GRIP2: variants seen among roughly 807,000 people sequenced by gnomAD.
GRIP2 encodes the protein glutamate receptor interacting protein 2, also known as glutamate receptor-interacting protein 2.
Under a neutral mutation model 108.3 loss-of-function variants are expected in GRIP2, and 58 were observed. The ratio of observed to expected loss-of-function variants is 0.54; its 90% CI spans 0.43 to 0.67. GRIP2 has a LOEUF of 0.67. Among genes scored for constraint, GRIP2 ranks in the 30% least tolerant of loss-of-function variants. The pLI, the probability that GRIP2 is intolerant of heterozygous loss-of-function variation, is 0.00. For missense variants in GRIP2, 1,278 were observed against 1,430.6 expected (o/e 0.89, Z 1.72); for synonymous variants, 586 against 598.2 (o/e 0.98, Z 0.30).
In GRIP2 at chr3:14,525,943, A is replaced by G; in HGVS notation, c.41-12T>C. ...GTAGGGCCCATCGTCTGCAGGAGAG[A>G]AAGAGGGAAAGGCCGAGTTCCACTT... is the stretch of plus-strand genomic sequence containing the variant. On this transcript the variant is annotated splice_polypyrimidine_tract_variant and intron_variant, in intron 1 of 23. Coordinates refer to ENST00000621039, the MANE Select transcript of GRIP2 (RefSeq NM_001080423.4). 6.4e-7 allele frequency: 1 copy of G among 1,552,440 alleles called. No individual in the cohort carries two copies. The highest frequency in any genetic ancestry group is 8.7e-7 in the Non-Finnish European group (1 of 1,147,106).
In GRIP2 at chr3:14,524,430, G is replaced by A. The variant is rs779610541; in HGVS notation, c.366C>T (p.Arg122=). The A allele has an allele frequency of 6.6e-5, 106 of 1,608,092 alleles. 4 individuals carry two copies. In the South Asian group the frequency reaches 8.5e-4, roughly 13 times the overall value. Residue 122 remains arginine (R), a synonymous_variant, in exon 4 of 24, where the codon CGC becomes CGT. Transcript: ENST00000621039. ...IITLLKNVGE[R]VVLEVEYELP... is the part of the protein sequence containing the mutation. ...GCTCATACTCCACCTCCAGCACCACGCGCTCGCCCACATTCTTGAGCAGGG... is the reference window on the plus strand; with the variant it reads ...GCTCATACTCCACCTCCAGCACCACACGCTCGCCCACATTCTTGAGCAGGG...
chr3:14,586,897 G>A, the GRIP2 span, among the ~76,000 whole-genome samples: 74,939 of 151,970 alleles, frequency 0.49, 18,698 homozygotes, highest in East Asian at 0.64. Context: ...TACTGATCCT[G>A]TAAAGCCAGG....
chr3:14,598,606 G>A, the GRIP2 span, among the ~76,000 whole-genome samples: 2 of 151,642 alleles, frequency 1.3e-5, no homozygotes, highest in Admixed American at 6.6e-5. Context: ...GGTCATTTTC[G>A]GAGCTAGCCC....
chr3:14,552,694 G>A (rs150000511), intron 1 of GRIP2, among the ~76,000 whole-genome samples: 1 of 149,924 alleles, frequency 6.7e-6, no homozygotes, highest in Admixed American at 6.7e-5. Context: ...CCAGGTTCAA[G>A]CGATTCTCTT....
rs373875364 is a variant in GRIP2, at chr3:14,522,207, G to A, written c.567-420C>T. On this transcript the variant is annotated intron_variant, in intron 6 of 23. Transcript: ENST00000621039. The surrounding 1 kb of genome is among the most constrained non-coding windows in gnomAD (Gnocchi z 4.3). ...ACGGCATTGGGGGCTGCTCTGAGCC[G>A]TCCTGGTCCCTTCCCATTGCTCCAC... The A allele has an allele frequency of 2.2e-4, 37 of 166,100 alleles. No homozygotes were observed. In the South Asian group the frequency reaches 3.2e-3, roughly 14 times the overall value. 10.3% of individuals were successfully genotyped at this position (166,100 alleles called of 1,614,324 possible). A position where few individuals can be genotyped will look rare whatever the true frequency, so the allele number is the denominator to read the frequency against.
At chr3:14,530,358 A>C (rs887790572) in intron 1 of GRIP2, among the ~76,000 whole-genome samples, 1 of 152,160 alleles carries the variant, frequency 6.6e-6, no homozygotes, top group Non-Finnish European at 1.5e-5. Context: ...CCAGTAGAGA[A>C]GCCCCAGCAT....
At chr3:14,515,202 T>G (rs1197840274) in intron 11 of GRIP2, among the ~76,000 whole-genome samples, 1 of 152,266 alleles carries the variant, frequency 6.6e-6, no homozygotes, top group East Asian at 1.9e-4. Context: ...AATATTCCAT[T>G]GTATGGATAC....
At chr3:14,591,783 C>T in the GRIP2 span, among the ~76,000 whole-genome samples, 1 of 152,170 alleles carries the variant, frequency 6.6e-6, no homozygotes, top group African/African-American at 2.4e-5. Flanking sequence ...TCTGGGAGTA[C>T]ACGCCATTCA....
intron 1 of GRIP2, among the ~76,000 whole-genome samples, chr3:14,550,594 G>A (rs968152983): frequency 2.0e-5 from 3 of 152,210 alleles, no homozygotes; most frequent in African/African-American, 4.8e-5. Flanking sequence ...GATGACCTTG[G>A]GCAAAACCGG....
At chr3:14,586,755 C>T in the GRIP2 span, among the ~76,000 whole-genome samples, 1 of 152,212 alleles carries the variant, frequency 6.6e-6, no homozygotes, top group Non-Finnish European at 1.5e-5. Flanking sequence ...CTTACTGCAG[C>T]CTTATTTAAA....
chr3:14,512,541 A>C lies in GRIP2; in HGVS notation c.1720+236T>G, dbSNP rs1694125281. Among the ~76,000 whole-genome samples, 1 of 152,116 alleles carries C rather than the reference A, an allele frequency of 6.6e-6. No homozygotes were observed. The highest frequency in any genetic ancestry group is 2.4e-5 in the African/African-American group (1 of 41,422). ...ACCTCACAAGCCCCCTGGGAGACCC[A>C]CGAGGCCAGGGGACTGCCATGGTGC... On this transcript the variant is annotated intron_variant, in intron 14 of 23. Transcript: ENST00000621039. This position sits in a 1 kb window ranked among gnomAD's most constrained non-coding sequence, Gnocchi z 5.1.
Position 14,507,480 on chromosome 3 carries a change from G to T in GRIP2, c.2218+81C>A. 6.6e-7 allele frequency: 1 copy of T among 1,518,364 alleles called. No individual in the cohort carries two copies. The highest frequency in any genetic ancestry group is 9.1e-7 in the Non-Finnish European group (1 of 1,100,732). 94.1% of individuals were successfully genotyped at this position (1,518,364 alleles called of 1,614,324 possible). A position where few individuals can be genotyped will look rare whatever the true frequency, so the allele number is the denominator to read the frequency against. On this transcript the variant is annotated intron_variant, in intron 18 of 23. Coordinates refer to ENST00000621039, the MANE Select transcript of GRIP2 (RefSeq NM_001080423.4). This position sits in a 1 kb window ranked among gnomAD's most constrained non-coding sequence, Gnocchi z 4.6. ...GGGCTGCAGTGAGGACTCTGTGAGG[G>T]TGTGCAGGCAAAGCCTGGCACAGAG...
rs1695183750 is a variant in GRIP2, at chr3:14,553,391, A to T, written c.55+2509T>A. ...CTCCCAAAGTGCTGGGATTACAGGC[A>T]TAAGCCACCGTGCCTGGCCACCTCC... On this transcript the variant is annotated intron_variant, in intron 1 of 23. Transcript: ENST00000637182. Among the ~76,000 whole-genome samples the T allele has an allele frequency of 2.0e-5, 3 of 152,040 alleles. No homozygotes were observed. In the South Asian group the frequency reaches 6.2e-4, roughly 32 times the overall value.
In GRIP2 at chr3:14,506,805, G is replaced by T. The variant is rs1445591017; in HGVS notation, c.2394C>A (p.Gly798=). ...CCAAGGGCCCCAAGGTATTACCTGG[G>T]CCCCCAAAGCCACCCTCGGTGGCCG... ...DSSATEGGFG[G]PGSYTPQAAA... is the part of the protein sequence containing the mutation. The change falls in exon 19 of 24, where the codon GGC becomes GGA. Residue 798 remains glycine (G), a synonymous_variant. Transcript: ENST00000621039. 2.5e-6 allele frequency: 4 copies of T among 1,594,322 alleles called. No homozygotes were observed. The highest frequency in any genetic ancestry group is 3.4e-6 in the Non-Finnish European group (4 of 1,170,536).
At chr3:14,559,517 G>A (rs1695287037), upstream of GRIP2, among the ~76,000 whole-genome samples, 1 of 151,812 alleles carries the variant, frequency 6.6e-6, no homozygotes, top group East Asian at 1.9e-4. Context: ...GCATTATGTT[G>A]GGCCCAAGAG....
chr3:14,551,264 C>G (rs1366122286), intron 1 of GRIP2, among the ~76,000 whole-genome samples: 1 of 152,194 alleles, frequency 6.6e-6, no homozygotes, highest in Non-Finnish European at 1.5e-5. Context: ...GATGGTCCTG[C>G]TGGACTGAAC....
intron 1 of GRIP2, among the ~76,000 whole-genome samples, chr3:14,554,112 C>T (rs918028251): frequency 8.5e-5 from 13 of 152,216 alleles, no homozygotes; most frequent in African/African-American, 3.1e-4. Context: ...TACTGTGTGT[C>T]CCAAACTTCC....
At chr3:14,556,010 C>G in exon 1 of GRIP2, 1 of 398,816 alleles carries the variant, frequency 2.5e-6, no homozygotes, top group African/African-American at 2.1e-5. Flanking sequence ...CCTCCCACGC[C>G]TGGAGCCGGC....
intron 1 of GRIP2, among the ~76,000 whole-genome samples, chr3:14,552,013 C>A (rs1406405310): frequency 2.0e-5 from 3 of 152,044 alleles, no homozygotes; most frequent in Non-Finnish European, 4.4e-5. Flanking sequence ...TCCAGGCTGC[C>A]GGGATTCTGC....
Sources: allele counts gnomAD v4.1 joint callset (sites outside exome capture counted in the v4.1 genomes callset), GRCh38; gene constraint gnomAD v4.1.1; non-coding constraint Gnocchi (gnomAD v3.1); transcripts MANE v1.5; gene names NCBI Gene and HGNC (gene_info 2026-07-23, HGNC 2026-07-21).